The following PLCE1 variants were observed in gnomAD, a reference collection of about 807,000 sequenced individuals.
The protein encoded by PLCE1 is phospholipase C epsilon 1.
Under a neutral mutation model 242.8 loss-of-function variants are expected in PLCE1, and 119 were observed. That is an observed-to-expected ratio of 0.49 (90% CI 0.42 to 0.57). The LOEUF (loss-of-function observed/expected upper bound fraction) is 0.57, where lower values mean the gene tolerates loss of function less well. Among genes scored for constraint, PLCE1 ranks in the 20% least tolerant of loss-of-function variants. The pLI, the probability that PLCE1 is intolerant of heterozygous loss-of-function variation, is 0.00. For synonymous variants in PLCE1, 945 were observed against 1,017.4 expected, an observed-to-expected ratio of 0.93 and a Z score of 1.35; for missense variants, 2,441 against 2,788.8, an observed-to-expected ratio of 0.88 and a Z score of 2.81.
rs117451269 is a variant in PLCE1, at chr10:94,198,530, A to G, written c.1809+27034A>G. ...TGCATACAGTTGCGTAATGACCACC[A>G]CGATCAGGATAGAGAATATCATTAC... On this transcript the variant is annotated intron_variant, in intron 4 of 32. Coordinates refer to ENST00000371380, the MANE Select transcript of PLCE1 (RefSeq NM_016341.4). Among the ~76,000 whole-genome samples, 1,510 of 152,360 alleles carry G rather than the reference A, an allele frequency of 9.9e-3. 12 individuals are homozygous for G. The highest frequency in any genetic ancestry group is 0.017 in the Non-Finnish European group (1,151 of 68,042).
chr10:94,163,649 C>T (rs1463515221), intron 3 of PLCE1, among the ~76,000 whole-genome samples: 1 of 152,054 alleles, frequency 6.6e-6, no homozygotes, highest in East Asian at 1.9e-4. Context: ...GCATTTAGCC[C>T]ATTTACATTT....
intron 2 of PLCE1, among the ~76,000 whole-genome samples, chr10:94,038,945 T>A (rs1220646324): frequency 6.6e-6 from 1 of 152,194 alleles, no homozygotes; most frequent in Non-Finnish European, 1.5e-5. Flanking sequence ...TCTCTATAGA[T>A]TTCCCTATTC....
chr10:94,081,614 C>T (rs772210643), intron 2 of PLCE1, among the ~76,000 whole-genome samples: 3 of 152,192 alleles, frequency 2.0e-5, no homozygotes, highest in Non-Finnish European at 2.9e-5. Context: ...CTGCCTAGTA[C>T]CTCTAGTATG....
intron 1 of PLCE1, among the ~76,000 whole-genome samples, chr10:94,024,208 G>A (rs577983230): frequency 3.9e-5 from 6 of 152,270 alleles, no homozygotes; most frequent in Non-Finnish European, 7.4e-5. Context: ...TTGGGGAAGA[G>A]AATGCATAAG....
intron 4 of PLCE1, among the ~76,000 whole-genome samples, chr10:94,183,472 A>T (rs571449172): frequency 6.6e-6 from 1 of 152,212 alleles, no homozygotes; most frequent in East Asian, 1.9e-4. Context: ...CCATTCACAT[A>T]CCATCCAGGA....
chr10:94,231,802 T>C (rs1425684333), intron 5 of PLCE1, among the ~76,000 whole-genome samples: 1 of 152,162 alleles, frequency 6.6e-6, no homozygotes, highest in South Asian at 2.1e-4. Context: ...CAGTTCACAG[T>C]AGGGTTTGCG....
At chr10:94,202,976 G>T (rs893206994) in intron 4 of PLCE1, among the ~76,000 whole-genome samples, 1 of 152,114 alleles carries the variant, frequency 6.6e-6, no homozygotes, top group Non-Finnish European at 1.5e-5. Context: ...TTCAATAGTC[G>T]CTCTAACCTG....
intron 3 of PLCE1, among the ~76,000 whole-genome samples, chr10:94,137,537 C>T (rs993929112): frequency 2.6e-5 from 4 of 152,040 alleles, no homozygotes; most frequent in African/African-American, 9.7e-5. Context: ...CATATTGTAC[C>T]AGCCAACATA....
intron 3 of PLCE1, among the ~76,000 whole-genome samples, chr10:94,158,058 A>C (rs1320275004): frequency 1.3e-5 from 2 of 152,254 alleles, no homozygotes; most frequent in Non-Finnish European, 2.9e-5. Context: ...CTGAGATGTT[A>C]TATTATTATA....
chr10:94,244,737 C>G (rs1015113938), intron 7 of PLCE1, among the ~76,000 whole-genome samples: 15 of 152,212 alleles, frequency 9.9e-5, no homozygotes, highest in African/African-American at 2.9e-4. Flanking sequence ...GGGTCTTGCT[C>G]TATTGCCCAG....
At chr10:94,176,183 G>C (rs1364269048) in intron 4 of PLCE1, among the ~76,000 whole-genome samples, 1 of 152,178 alleles carries the variant, frequency 6.6e-6, no homozygotes, top group African/African-American at 2.4e-5. Context: ...CAGATGGCCT[G>C]AGCCCAGGAG....
Position 94,297,629 on chromosome 10 carries a change from T to G in PLCE1, c.5168-750T>G, listed in dbSNP as rs772454821. Among the ~76,000 whole-genome samples, 371 of 63,100 alleles carry G rather than the reference T, an allele frequency of 5.9e-3. 2 individuals carry two copies. The highest frequency in any genetic ancestry group is 9.7e-3 in the Non-Finnish European group (278 of 28,528). The allele number at this position is 63,100 out of a possible 152,430, so 41.4% of individuals were successfully genotyped here. A position where few individuals can be genotyped will look rare whatever the true frequency, so the allele number is the denominator to read the frequency against. On this transcript the variant is annotated intron_variant, in intron 23 of 32. Coordinates refer to ENST00000371380, the MANE Select transcript of PLCE1 (RefSeq NM_016341.4). ...AAAAAAAAAAAAAAAAAAAAAAAAGTGCAGTATCTGCAAAGTGCAATAAAA... is the reference window on the plus strand; with the variant it reads ...AAAAAAAAAAAAAAAAAAAAAAAAGGGCAGTATCTGCAAAGTGCAATAAAA...
intron 2 of PLCE1, chr10:94,094,650 T>C (rs966430777): frequency 6.6e-6 from 1 of 152,176 alleles, no homozygotes; most frequent in African/African-American, 2.4e-5. Context: ...AAACCCTGGG[T>C]CAGTCATGGG....
chr10:94,011,542 G>C lies in PLCE1; in HGVS notation c.-365+17284G>C, dbSNP rs866078006. ...GTGCCAGTAAGCTGGAAGAGCTGGAGGCTATGGGGAGGAATGGGAAAAATG... is the reference window on the plus strand; with the variant it reads ...GTGCCAGTAAGCTGGAAGAGCTGGACGCTATGGGGAGGAATGGGAAAAATG... On this transcript the variant is annotated intron_variant, in intron 1 of 32. Coordinates refer to ENST00000371380, the MANE Select transcript of PLCE1 (RefSeq NM_016341.4). 2.6e-5 allele frequency among the ~76,000 whole-genome samples: 4 copies of C among 152,216 alleles called. 1 individual carries two copies. In the Middle Eastern group the frequency reaches 0.01, roughly 388 times the overall value.
At position 94,030,914 on chromosome 10, in the gene PLCE1, A is replaced by G. The variant is rs963375925; in HGVS notation, c.-133A>G. On this transcript the variant is annotated 5_prime_UTR_variant, in exon 2 of 33. Coordinates refer to ENST00000371380, the MANE Select transcript of PLCE1 (RefSeq NM_016341.4). ...CTCTTAATGCTCCTGAATGAAAGGA[A>G]TTATCCCTTTGTTCTTTGGGAGGAC... 1.2e-6 allele frequency: 1 copy of G among 868,000 alleles called. No individual in the cohort carries two copies. Among genetic ancestry groups the G allele is most frequent in the East Asian group, 2.5e-5 (1 of 40,318 alleles). The allele number at this position is 868,000 out of a possible 1,614,324, so 53.8% of individuals were successfully genotyped here. A position where few individuals can be genotyped will look rare whatever the true frequency, so the allele number is the denominator to read the frequency against.
chr10:94,230,864 C>A (rs1308108900), intron 5 of PLCE1, among the ~76,000 whole-genome samples: 2 of 152,196 alleles, frequency 1.3e-5, no homozygotes, highest in Non-Finnish European at 2.9e-5. Flanking sequence ...CCTGCCTCAG[C>A]CTCCCAAAGT....
intron 3 of PLCE1, among the ~76,000 whole-genome samples, chr10:94,163,179 G>A (rs1161966298): frequency 2.6e-5 from 4 of 152,140 alleles, no homozygotes; most frequent in African/African-American, 2.4e-5. Flanking sequence ...GGTCCGCTTC[G>A]TGCAGAGCTG....
chr10:94,276,124 C>G (rs1327871549), intron 19 of PLCE1, among the ~76,000 whole-genome samples: 1 of 152,128 alleles, frequency 6.6e-6, no homozygotes, highest in Non-Finnish European at 1.5e-5. Flanking sequence ...CCCAAGTTGC[C>G]CTTGAGTCAG....
At chr10:94,276,181 C>T (rs2051947727) in intron 19 of PLCE1, among the ~76,000 whole-genome samples, 1 of 152,224 alleles carries the variant, frequency 6.6e-6, no homozygotes, top group Non-Finnish European at 1.5e-5. Flanking sequence ...AGCCCCCTGG[C>T]ATTTGATGAT....
Sources: gnomAD v4.1 joint callset for allele counts (sites outside exome capture counted in the v4.1 genomes callset) on GRCh38, gnomAD v4.1.1 for gene constraint, MANE v1.5 for transcripts, NCBI Gene and HGNC (gene_info 2026-07-23, HGNC 2026-07-21) for gene names.